HS6ST3: variants seen among roughly 807,000 people sequenced by gnomAD.
HS6ST3 encodes heparan sulfate 6-O-sulfotransferase 3.
HS6ST3 carries 12 observed loss-of-function variants against 36.7 expected under a neutral mutation model. The ratio of observed to expected loss-of-function variants is 0.33; its 90% CI spans 0.21 to 0.53. HS6ST3 has a LOEUF of 0.53. HS6ST3 is among the 20% of genes least tolerant of loss of function. The pLI, the probability that HS6ST3 is intolerant of heterozygous loss-of-function variation, is 0.95. For synonymous variants in HS6ST3, 240 were observed against 257.5 expected, an observed-to-expected ratio of 0.93 and a Z score of 0.65; for missense variants, 584 against 640.9, an observed-to-expected ratio of 0.91 and a Z score of 0.96.
chr13:96,698,060 T>C (rs1875180691), intron 1 of HS6ST3, among the ~76,000 whole-genome samples: 1 of 152,086 alleles, frequency 6.6e-6, no homozygotes, highest in Non-Finnish European at 1.5e-5. Context: ...TTTTTAATTA[T>C]AGTTTTTAAG....
At chr13:96,656,990 TGTGTGTGTGAGA>T (rs1295727025) in intron 1 of HS6ST3, among the ~76,000 whole-genome samples, 4 of 138,886 alleles carry the variant, frequency 2.9e-5, no homozygotes, top group African/African-American at 8.1e-5. Context: ...TGTGTGTGTG[TGTGTGTGTGAGA>T]GAGAGAGAGA....
intron 1 of HS6ST3, among the ~76,000 whole-genome samples, chr13:96,242,046 A>G (rs912678306): frequency 2.6e-5 from 4 of 151,772 alleles, no homozygotes; most frequent in Non-Finnish European, 4.4e-5. Flanking sequence ...CGGCCTCCCA[A>G]AGTGCTGAGA....
chr13:96,148,202 A>G (rs2054067290), intron 1 of HS6ST3, among the ~76,000 whole-genome samples: 1 of 152,234 alleles, frequency 6.6e-6, no homozygotes, highest in Non-Finnish European at 1.5e-5. Flanking sequence ...TGTTTATATA[A>G]TAACTAGTCT....
chr13:96,090,710 G>A lies in HS6ST3; in HGVS notation c.-153G>A. ...CTCCTCAAGCCCCGAGGGCCGCGGG[G>A]CCGCCAGCCAGCCACACGCCTCGGC... On this transcript the variant is annotated 5_prime_UTR_variant, in exon 1 of 2. Coordinates refer to ENST00000376705, the MANE Select transcript of HS6ST3 (RefSeq NM_153456.4). 2 of 396,960 alleles carry A rather than the reference G, an allele frequency of 5.0e-6. No homozygotes were observed. Among genetic ancestry groups the A allele is most frequent in the African/African-American group, 2.2e-5 (1 of 46,026 alleles). The allele number at this position is 396,960 out of a possible 1,614,324, so 24.6% of individuals were successfully genotyped here.
intron 1 of HS6ST3, among the ~76,000 whole-genome samples, chr13:96,113,138 G>T (rs1294993843): frequency 6.6e-6 from 1 of 152,098 alleles, no homozygotes; most frequent in Non-Finnish European, 1.5e-5. Flanking sequence ...TTTATGCTCA[G>T]GGCTTAAATC....
chr13:96,212,110 T>C (rs2054401945), intron 1 of HS6ST3, among the ~76,000 whole-genome samples: 1 of 152,170 alleles, frequency 6.6e-6, no homozygotes, highest in Admixed American at 6.5e-5. Flanking sequence ...AATAGGAAAA[T>C]ATCTCTAGGG....
intron 1 of HS6ST3, among the ~76,000 whole-genome samples, chr13:96,364,480 C>T (rs2182065): frequency 0.87 from 132,222 of 152,206 alleles, 57,765 homozygotes; most frequent in South Asian, 0.91. Context: ...CTTGAAAACA[C>T]TATGCTAAGT....
At chr13:96,663,602 A>G (rs929209134) in intron 1 of HS6ST3, among the ~76,000 whole-genome samples, 1 of 152,204 alleles carries the variant, frequency 6.6e-6, no homozygotes, top group African/African-American at 2.4e-5. Context: ...GCAGTTTCCT[A>G]ACAAGTTAAA....
At chr13:96,217,615 A>G (rs2054433638) in intron 1 of HS6ST3, among the ~76,000 whole-genome samples, 1 of 152,174 alleles carries the variant, frequency 6.6e-6, no homozygotes, top group South Asian at 2.1e-4. Context: ...AAATGAATAA[A>G]CTAAGTCACA....
chr13:96,438,252 T>C (rs1468969371), intron 1 of HS6ST3, among the ~76,000 whole-genome samples: 1 of 152,234 alleles, frequency 6.6e-6, no homozygotes, highest in Non-Finnish European at 1.5e-5. Context: ...TCCTTTCTTC[T>C]TCATGTTTGG....
intron 1 of HS6ST3, among the ~76,000 whole-genome samples, chr13:96,344,651 C>T (rs2055145266): frequency 6.6e-6 from 1 of 152,202 alleles, no homozygotes; most frequent in Non-Finnish European, 1.5e-5. Context: ...GTGGTACACA[C>T]TGACCCTGAA....
intron 1 of HS6ST3, among the ~76,000 whole-genome samples, chr13:96,166,575 C>CTTTTTTTTTTTTTTTTTTTTTTTTTT (rs765190619): frequency 7.6e-6 from 1 of 131,588 alleles, no homozygotes; most frequent in Non-Finnish European, 1.6e-5. Flanking sequence ...TTCTTTCTTT[C>CTTTTTTTTTTTTTTTTTTTTTTTTTT]TTTTTTTTTT....
At chr13:96,719,106 C>G (rs1021599092) in intron 1 of HS6ST3, among the ~76,000 whole-genome samples, 1 of 151,988 alleles carries the variant, frequency 6.6e-6, no homozygotes, top group Non-Finnish European at 1.5e-5. Flanking sequence ...AACCCCATCT[C>G]GACTAAAAAT....
At chr13:96,317,355 TATATATATATATAAAATTATA>T (rs1566322091) in intron 1 of HS6ST3, among the ~76,000 whole-genome samples, 19,829 of 70,930 alleles carry the variant, frequency 0.28, 2,177 homozygotes, top group South Asian at 0.38. Flanking sequence ...TATATATATA[TATATATATATATAAAATTATA>T]TATATATATA....
chr13:96,416,673 T>TA (rs1464289176), intron 1 of HS6ST3, among the ~76,000 whole-genome samples: 1 of 151,996 alleles, frequency 6.6e-6, no homozygotes, highest in African/African-American at 2.4e-5. Flanking sequence ...TTTTTTTTTT[T>TA]TTTGAAAGCT....
chr13:96,678,182 C>T (rs1226155704), intron 1 of HS6ST3, among the ~76,000 whole-genome samples: 1 of 152,052 alleles, frequency 6.6e-6, no homozygotes, highest in Non-Finnish European at 1.5e-5. Flanking sequence ...ATGTAATAAA[C>T]TCAGTCTTAT....
At chr13:96,748,953 A>G (rs1426420028) in intron 1 of HS6ST3, among the ~76,000 whole-genome samples, 3 of 152,016 alleles carry the variant, frequency 2.0e-5, no homozygotes, top group Admixed American at 6.6e-5. Context: ...TGCCCTTCCT[A>G]TTATACTTCA....
chr13:96,701,940 T>A (rs115024637), intron 1 of HS6ST3, among the ~76,000 whole-genome samples: 2,277 of 152,088 alleles, frequency 0.015, 55 homozygotes, highest in African/African-American at 0.051. Flanking sequence ...GCAGCCTAGA[T>A]GACAGAGTGA....
At chr13:96,538,686 C>T (rs370655879) in intron 1 of HS6ST3, among the ~76,000 whole-genome samples, 3 of 152,190 alleles carry the variant, frequency 2.0e-5, no homozygotes, top group Non-Finnish European at 2.9e-5. Flanking sequence ...TCAAGTGATC[C>T]GCCTGCCTCG....
Sources: gnomAD v4.1 joint callset for allele counts (sites outside exome capture counted in the v4.1 genomes callset) on GRCh38, gnomAD v4.1.1 for gene constraint, MANE v1.5 for transcripts, NCBI Gene and HGNC (gene_info 2026-07-23, HGNC 2026-07-21) for gene names.